The following AP1M2 variants were observed in gnomAD, a reference collection of about 807,000 sequenced individuals.
AP1M2 encodes adaptor related protein complex 1 subunit mu 2, also known as AP-1 complex subunit mu-2.
A neutral mutation model predicts 54.6 loss-of-function variants in AP1M2; 41 were observed. The ratio of observed to expected loss-of-function variants is 0.75; its 90% CI spans 0.59 to 0.97. AP1M2 has a LOEUF of 0.97. Ranked by LOEUF, AP1M2 falls within the 50% of genes least tolerant of loss-of-function variation. The probability of loss-of-function intolerance (pLI) is 0.00; values close to 1 mark genes in which losing one functional copy is unlikely to be tolerated. For missense variants in AP1M2, 507 were observed against 561.2 expected (o/e 0.90, Z 0.98); for synonymous variants, 219 against 215.9 (o/e 1.01, Z -0.13).
chr19:10,579,034 T>TC (rs1224791842), intron 7 of AP1M2, 71 bp from the exon 8 acceptor site: 307 of 1,120,122 alleles, frequency 2.7e-4, no homozygotes, highest in Middle Eastern at 1.1e-3. Context: ...TTTTTTTTTT[T>TC]CTTTCTTTGA....
chr19:10,582,982 T>C (rs1397423582), intron 3 of AP1M2, among the ~76,000 whole-genome samples: 3 of 151,650 alleles, frequency 2.0e-5, no homozygotes, highest in African/African-American at 7.3e-5. Context: ...GGTGCCACCA[T>C]ACCCGGCTAA....
rs1917186187 is a variant in AP1M2, at chr19:10,575,032, G to A, written c.1048-3C>T. 5 of 1,500,966 alleles carry A rather than the reference G, an allele frequency of 3.3e-6. No individual in the cohort carries two copies. Among genetic ancestry groups the A allele is most frequent in the Middle Eastern group, 1.8e-4 (1 of 5,622 alleles). 93.0% of individuals were successfully genotyped at this position (1,500,966 alleles called of 1,614,324 possible). ...CGCATCAAGTACTCCTTGCCCCCCT[G>A]AGGGAACATGGGGGCATCAGGTACA... On this transcript the variant is annotated splice_region_variant and splice_polypyrimidine_tract_variant and intron_variant, in intron 9 of 11. Coordinates refer to ENST00000250244, the MANE Select transcript of AP1M2 (RefSeq NM_005498.5).
At chr19:10,577,734 CTTTTTT>C (rs61052727) in intron 8 of AP1M2, among the ~76,000 whole-genome samples, 76 of 113,500 alleles carry the variant, frequency 6.7e-4, no homozygotes, top group Middle Eastern at 6.9e-3. Flanking sequence ...CATGCTTGGC[CTTTTTT>C]TTTTTTTTTT....
Position 10,577,290 on chromosome 19 carries a change from C to T in AP1M2, c.955G>A (p.Asp319Asn). ...GVEISVPVPS[D>N]ADSPRFKTSV... is the part of the protein sequence containing the mutation. ...GTCTTGAATCTGGGGGAGTCGGCATCGCTGGGTACAGGCACAGATATCTCC... is the reference window on the plus strand; with the variant it reads ...GTCTTGAATCTGGGGGAGTCGGCATTGCTGGGTACAGGCACAGATATCTCC... Residue 319 changes from aspartate (D) to asparagine (N), a missense_variant, in exon 9 of 12, where the codon GAT becomes AAT. Asp to Asn is a conservative substitution (Grantham distance 23). Transcript: ENST00000250244. The T allele has an allele frequency of 6.2e-7, 1 of 1,612,418 alleles. No individual in the cohort carries two copies. Among genetic ancestry groups the T allele is most frequent in the Non-Finnish European group, 8.5e-7 (1 of 1,179,346 alleles).
chr19:10,575,030 C>G lies in AP1M2; in HGVS notation c.1048-1G>C. 1 of 1,503,348 alleles carries G rather than the reference C, an allele frequency of 6.7e-7. No homozygotes were observed. Among genetic ancestry groups the G allele is most frequent in the Non-Finnish European group, 8.9e-7 (1 of 1,123,290 alleles). The allele number at this position is 1,503,348 out of a possible 1,614,324, so 93.1% of individuals were successfully genotyped here. ...CTCGCATCAAGTACTCCTTGCCCCC[C>G]TGAGGGAACATGGGGGCATCAGGTA... On this transcript the variant is annotated splice_acceptor_variant, in intron 9 of 11. Coordinates refer to ENST00000250244, the MANE Select transcript of AP1M2 (RefSeq NM_005498.5). LOFTEE classifies it high-confidence loss of function.
intron 3 of AP1M2, 107 bp from the exon 4 acceptor site, chr19:10,581,985 C>T: frequency 6.9e-6 from 9 of 1,298,072 alleles, no homozygotes; most frequent in Non-Finnish European, 9.3e-6. Context: ...ACGAGGATCA[C>T]TTAAGGTCAT....
intron 9 of AP1M2, among the ~76,000 whole-genome samples, chr19:10,575,301 A>G (rs2144754187): frequency 1.3e-5 from 2 of 152,308 alleles, no homozygotes; most frequent in South Asian, 4.1e-4. Flanking sequence ...GCAGTGAGCC[A>G]TGATCTCACC....
chr19:10,577,435 T>C, intron 8 of AP1M2, 79 bp from the exon 9 acceptor site: 3 of 1,223,168 alleles, frequency 2.5e-6, no homozygotes, highest in East Asian at 2.7e-5. Context: ...TTTTTTTTTT[T>C]TTTTTTTTTT....
chr19:10,581,960 T>C, intron 3 of AP1M2, 82 bp from the exon 4 acceptor site: 1 of 1,445,928 alleles, frequency 6.9e-7, no homozygotes, highest in East Asian at 2.5e-5. Flanking sequence ...CCCCAGCACC[T>C]TGGGAGGCCA....
intron 3 of AP1M2, 121 bp from the exon 4 acceptor site, chr19:10,581,999 T>C: frequency 8.0e-6 from 9 of 1,123,896 alleles, no homozygotes; most frequent in Non-Finnish European, 1.1e-5. Flanking sequence ...AGGTCATGAG[T>C]TCAAGACCAG....
At chr19:10,579,034 T>TTTC in intron 7 of AP1M2, 71 bp from the exon 8 acceptor site, 1 of 1,119,990 alleles carries the variant, frequency 8.9e-7, no homozygotes, top group Non-Finnish European at 1.2e-6. Context: ...TTTTTTTTTT[T>TTTC]CTTTCTTTGA....
At chr19:10,576,891 G>C (rs2144756933) in intron 9 of AP1M2, among the ~76,000 whole-genome samples, 1 of 151,864 alleles carries the variant, frequency 6.6e-6, no homozygotes, top group East Asian at 1.9e-4. Context: ...ACTTTTACTA[G>C]AGACGGATGT....
chr19:10,583,890 A>T (rs1234413695), intron 2 of AP1M2, 24 bp downstream of exon 2: 1 of 1,581,474 alleles, frequency 6.3e-7, no homozygotes, highest in East Asian at 2.3e-5. Flanking sequence ...ACCCACCTCC[A>T]GGGACACCAC....
In AP1M2 at chr19:10,575,021, C is replaced by A. The variant is rs1266978614; in HGVS notation, c.1056G>T (p.Lys352Asn). Residue 352 changes from lysine (K) to asparagine (N), a missense_variant, in exon 10 of 12, where the codon AAG becomes AAT. Transcript: ENST00000250244. ...CAAAGTGGGCTCGCATCAAGTACTC[C>A]TTGCCCCCCTGAGGGAACATGGGGG... ...IWSIKSFPGG[K>N]EYLMRAHFGL... The A allele has an allele frequency of 1.3e-6, 2 of 1,517,732 alleles. No homozygotes were observed. Among genetic ancestry groups the A allele is most frequent in the East Asian group, 2.4e-5 (1 of 41,220 alleles). 94.0% of individuals were successfully genotyped at this position (1,517,732 alleles called of 1,614,324 possible). A position where few individuals can be genotyped will look rare whatever the true frequency, so the allele number is the denominator to read the frequency against.
intron 2 of AP1M2, 61 bp downstream of exon 2, chr19:10,583,853 G>A: frequency 6.5e-7 from 1 of 1,543,686 alleles, no homozygotes; most frequent in Non-Finnish European, 8.8e-7. Context: ...CTTGGCCTGA[G>A]CTGCCACCAT....
intron 1 of AP1M2, among the ~76,000 whole-genome samples, chr19:10,585,280 A>G (rs892030772): frequency 4.6e-4 from 9 of 19,674 alleles, no homozygotes; most frequent in East Asian, 1.9e-3. Context: ...AAGAAAGAAG[A>G]AAAAAAGAAA....
rs532490305 is a variant in AP1M2 at position 10,579,235 on chromosome 19, C to T, written c.817-272G>A. Among the ~76,000 whole-genome samples the T allele has an allele frequency of 9.4e-4, 142 of 151,468 alleles. No individual in the cohort carries two copies. The East Asian group carries it at 0.013, about 14-fold the overall frequency. ...ATCGAGACCATCCTGGCTAACACGG[C>T]GAAACCCCGTCTCTACTAAAAATGC... On this transcript the variant is annotated intron_variant, in intron 7 of 11. Transcript: ENST00000250244.
intron 7 of AP1M2, 145 bp from the exon 8 acceptor site, chr19:10,579,108 T>G (rs1917347006): frequency 1.8e-6 from 1 of 542,802 alleles, no homozygotes; most frequent in Admixed American, 3.1e-5. Context: ...CACTGCAACC[T>G]GCACCTCCTG....
intron 7 of AP1M2, 81 bp downstream of exon 7, chr19:10,579,635 T>G: frequency 1.4e-6 from 2 of 1,461,288 alleles, no homozygotes; most frequent in Non-Finnish European, 1.8e-6. Context: ...ATTACAGGCG[T>G]GAGCCACTGC....
Sources: allele counts gnomAD v4.1 joint callset (sites outside exome capture counted in the v4.1 genomes callset), GRCh38; gene constraint gnomAD v4.1.1; transcripts MANE v1.5; gene names NCBI Gene and HGNC (gene_info 2026-07-23, HGNC 2026-07-21).